The following CCDC7 variants were observed in gnomAD, a reference collection of about 807,000 sequenced individuals.
CCDC7 encodes coiled-coil domain containing 7.
A neutral mutation model predicts 196.9 loss-of-function variants in CCDC7; 183 were observed. That is an observed-to-expected ratio of 0.93 (90% CI 0.82 to 1.05). The LOEUF is 1.05. CCDC7 is among the 50% of genes least tolerant of loss of function. The pLI is 0.00. For synonymous variants in CCDC7, 525 were observed against 484.6 expected, an observed-to-expected ratio of 1.08 and a Z score of -1.10; for missense variants, 1,540 against 1,482.2, an observed-to-expected ratio of 1.04 and a Z score of -0.64.
intron 41 of CCDC7, among the ~76,000 whole-genome samples, chr10:32,861,108 T>A (rs2093963221): frequency 5.6e-5 from 4 of 71,088 alleles, no homozygotes; most frequent in Non-Finnish European, 2.8e-5. Flanking sequence ...GCCAAGACAA[T>A]CATAAGCAAA....
chr10:32,511,441 T>C, intron 9 of CCDC7: 2 of 1,608,440 alleles, frequency 1.2e-6, no homozygotes, highest in Non-Finnish European at 1.7e-6. Flanking sequence ...TCTTGTCTGT[T>C]ATTTCCTTGA....
intron 28 of CCDC7, among the ~76,000 whole-genome samples, chr10:32,733,908 T>C (rs1353453830): frequency 1.3e-5 from 2 of 152,154 alleles, no homozygotes; most frequent in African/African-American, 4.8e-5. Flanking sequence ...AGAATGGCTA[T>C]TATTTAAAAG....
chr10:32,537,445 G>A (rs1325304537), intron 11 of CCDC7, among the ~76,000 whole-genome samples: 1 of 152,038 alleles, frequency 6.6e-6, no homozygotes, highest in African/African-American at 2.4e-5. Context: ...CAATCTCTAG[G>A]TTGCCTGTTT....
intron 16 of CCDC7, 89 bp downstream of exon 17, chr10:32,571,982 A>G: frequency 8.0e-7 from 1 of 1,249,194 alleles, no homozygotes; most frequent in Non-Finnish European, 1.1e-6. Context: ...TTCTAAATTT[A>G]ATGTCACAAA....
chr10:32,861,115 C>CAAAAAAAAAAAAAAAAAAAAAAA (rs142801821), intron 41 of CCDC7, among the ~76,000 whole-genome samples: 2 of 97,130 alleles, frequency 2.1e-5, no homozygotes, highest in Non-Finnish European at 3.9e-5. Context: ...CAATCATAAG[C>CAAAAAAAAAAAAAAAAAAAAAAA]AAAAAAAAAA....
intron 28 of CCDC7, among the ~76,000 whole-genome samples, chr10:32,770,073 T>C (rs911362794): frequency 6.6e-6 from 1 of 152,220 alleles, no homozygotes; most frequent in African/African-American, 2.4e-5. Context: ...TCCACAATGG[T>C]TGAACTAATT....
At chr10:32,443,398 G>A (rs1418367960), upstream of CCDC7, among the ~76,000 whole-genome samples, 1 of 152,064 alleles carries the variant, frequency 6.6e-6, no homozygotes, top group Non-Finnish European at 1.5e-5. Context: ...CATCTTGGCT[G>A]GAAGCAGAAC....
chr10:32,589,976 A>G (rs1351407235), intron 18 of CCDC7, among the ~76,000 whole-genome samples: 3 of 151,968 alleles, frequency 2.0e-5, no homozygotes, highest in Non-Finnish European at 2.9e-5. Flanking sequence ...ATTATACTCA[A>G]CCAATCATTG....
intron 21 of CCDC7, among the ~76,000 whole-genome samples, chr10:32,669,575 A>AT (rs2073627077): frequency 6.6e-6 from 1 of 152,024 alleles, no homozygotes; most frequent in African/African-American, 2.4e-5. Flanking sequence ...TTATTAGTTT[A>AT]TTCATATTTC....
intron 28 of CCDC7, among the ~76,000 whole-genome samples, chr10:32,765,645 T>A (rs2078165807): frequency 1.3e-5 from 2 of 152,020 alleles, no homozygotes; most frequent in Non-Finnish European, 1.5e-5. Context: ...AGTGACTTCA[T>A]CAAGGACTTG....
At chr10:32,707,452 T>C (rs1395311600) in intron 24 of CCDC7, among the ~76,000 whole-genome samples, 1 of 152,140 alleles carries the variant, frequency 6.6e-6, no homozygotes, top group Admixed American at 6.5e-5. Flanking sequence ...TTCAACATAG[T>C]ATTGGAAGTT....
At chr10:32,509,733 A>G (rs574537520) in intron 9 of CCDC7, among the ~76,000 whole-genome samples, 2 of 152,328 alleles carry the variant, frequency 1.3e-5, no homozygotes, top group East Asian at 3.9e-4. Context: ...AAAGGACTTG[A>G]ATAGATATTT....
At chr10:32,755,796 T>G (rs574580481) in intron 28 of CCDC7, among the ~76,000 whole-genome samples, 1 of 151,990 alleles carries the variant, frequency 6.6e-6, no homozygotes, top group Non-Finnish European at 1.5e-5. Context: ...CGATCAGTAA[T>G]AACAAATTTC....
intron 28 of CCDC7, among the ~76,000 whole-genome samples, chr10:32,752,718 A>G (rs1025511889): frequency 6.6e-6 from 1 of 152,156 alleles, no homozygotes; most frequent in African/African-American, 2.4e-5. Context: ...AATACTCTTA[A>G]TTATTTAAAA....
At chr10:32,488,828 T>C (rs2041695018) in intron 8 of CCDC7, among the ~76,000 whole-genome samples, 1 of 152,218 alleles carries the variant, frequency 6.6e-6, no homozygotes, top group Non-Finnish European at 1.5e-5. Context: ...TTCTAGACTT[T>C]ATGGACTAGT....
intron 31 of CCDC7, among the ~76,000 whole-genome samples, 178 bp from the exon 33 acceptor site, chr10:32,824,340 G>A (rs6481813): frequency 0.14 from 21,913 of 152,044 alleles, 1,937 homozygotes; most frequent in African/African-American, 0.25. Context: ...AGGCTTATAT[G>A]ATTGTTAATT....
chr10:32,544,263 A>G (rs374772274), exon 13 of CCDC7: 15 of 1,608,306 alleles, frequency 9.3e-6, no homozygotes, highest in South Asian at 2.2e-5. Flanking sequence ...GTCTCCAGAA[A>G]AAGAGTTTAA....
chr10:32,801,067 A>G (rs1415564492), intron 29 of CCDC7, among the ~76,000 whole-genome samples: 2 of 152,186 alleles, frequency 1.3e-5, no homozygotes, highest in East Asian at 1.9e-4. Context: ...TTGGGATCCA[A>G]TTATTCCCAC....
chr10:32,514,181 C>G (rs2046670896), intron 9 of CCDC7: 1 of 152,192 alleles, frequency 6.6e-6, no homozygotes, highest in South Asian at 2.1e-4. Context: ...TTTCTATACA[C>G]TAGCTGTTAT....
Sources: gnomAD v4.1 joint callset for allele counts (sites outside exome capture counted in the v4.1 genomes callset) on GRCh38, gnomAD v4.1.1 for gene constraint, MANE v1.5 for transcripts, NCBI Gene and HGNC (gene_info 2026-07-23, HGNC 2026-07-21) for gene names.